The following RALGPS1 variants were observed in gnomAD, a reference collection of about 807,000 sequenced individuals.
RALGPS1 encodes Ral GEF with PH domain and SH3 binding motif 1.
RALGPS1 carries 19 observed loss-of-function variants against 78.8 expected under a neutral mutation model. That is an observed-to-expected ratio of 0.24 (90% CI 0.17 to 0.35). RALGPS1 has a LOEUF of 0.35. RALGPS1 is among the 10% of genes least tolerant of loss of function. The pLI is 1.00. For missense variants in RALGPS1, 454 were observed against 688.3 expected, an observed-to-expected ratio of 0.66 and a Z score of 3.81; for synonymous variants, 228 against 256.3, an observed-to-expected ratio of 0.89 and a Z score of 1.06.
chr9:127,088,916 A>G (rs371100982), intron 8 of RALGPS1: 35 of 1,614,146 alleles, frequency 2.2e-5, no homozygotes, highest in Non-Finnish European at 2.4e-5. Context: ...AATGGCCACG[A>G]GAGGTCAGGA....
At chr9:127,165,976 T>G in intron 8 of RALGPS1, 93 bp from the exon 9 acceptor site, 1 of 1,443,054 alleles carries the variant, frequency 6.9e-7, no homozygotes, top group Non-Finnish European at 9.1e-7. Context: ...AAGTCACCCT[T>G]TATATTTTTT....
At chr9:126,963,170 C>G (rs1162526162) in intron 2 of RALGPS1, among the ~76,000 whole-genome samples, 2 of 152,182 alleles carry the variant, frequency 1.3e-5, no homozygotes, top group African/African-American at 2.4e-5. Flanking sequence ...AGCTTTTGAT[C>G]AACACGTCCC....
At chr9:127,092,010 A>G in intron 8 of RALGPS1, 1 of 1,572,358 alleles carries the variant, frequency 6.4e-7, no homozygotes, top group Non-Finnish European at 8.6e-7. Context: ...TGGCTGTCAG[A>G]CACTCAGCCC....
At chr9:127,077,975 A>G (rs1344037574) in intron 8 of RALGPS1, among the ~76,000 whole-genome samples, 1 of 152,102 alleles carries the variant, frequency 6.6e-6, no homozygotes, top group African/African-American at 2.4e-5. Flanking sequence ...TCCTTTTTCT[A>G]TTCTGCCCTG....
chr9:127,198,945 C>G, intron 13 of RALGPS1, 70 bp from the exon 14 acceptor site: 2 of 1,403,798 alleles, frequency 1.4e-6, no homozygotes, highest in Middle Eastern at 1.8e-4. Context: ...GGCCTGGGCT[C>G]GGTGACCCAG....
chr9:127,040,737 G>T (rs2047215949), intron 5 of RALGPS1, among the ~76,000 whole-genome samples: 1 of 152,166 alleles, frequency 6.6e-6, no homozygotes, highest in African/African-American at 2.4e-5. Context: ...AAGAAGGCAG[G>T]ATTGGTGTGG....
intron 11 of RALGPS1, among the ~76,000 whole-genome samples, chr9:127,177,521 C>T (rs1040102014): frequency 2.0e-5 from 3 of 152,210 alleles, no homozygotes; most frequent in Non-Finnish European, 2.9e-5. Context: ...CCACTATCTC[C>T]TCCCTGAGGA....
chr9:126,952,546 C>T (rs1351952550), intron 1 of RALGPS1, among the ~76,000 whole-genome samples: 1 of 151,996 alleles, frequency 6.6e-6, no homozygotes, highest in Non-Finnish European at 1.5e-5. Context: ...GAACTCCTGG[C>T]AGGAGGTCCA....
rs767994394 is a variant in RALGPS1 at position 127,210,709 on chromosome 9, A to G, written c.1248-1422A>G. 3.0e-5 allele frequency: 47 copies of G among 1,550,618 alleles called. No individual in the cohort carries two copies. The South Asian group carries it at 4.2e-4, about 14-fold the overall frequency. On this transcript the variant is annotated intron_variant, in intron 14 of 18. Coordinates refer to ENST00000259351, the MANE Select transcript of RALGPS1 (RefSeq NM_014636.3). Reference sequence around the variant, plus strand: ...TTCCTCTGAAGCAGGGGACGTCTCTATGCCACCCTGGGGCCCAACTGGCGG... The same window carrying G: ...TTCCTCTGAAGCAGGGGACGTCTCTGTGCCACCCTGGGGCCCAACTGGCGG...
At chr9:126,919,241 GAT>G (rs1212262653) in intron 1 of RALGPS1, among the ~76,000 whole-genome samples, 1 of 152,162 alleles carries the variant, frequency 6.6e-6, no homozygotes, top group Non-Finnish European at 1.5e-5. Flanking sequence ...GTTTTTGACT[GAT>G]ATAAGCATAA....
At position 127,219,503 on chromosome 9, in the gene RALGPS1, T is replaced by C. The variant is rs1444350253; in HGVS notation, c.*734T>C. ...TTGTTTTCTGTTCCTATGGGTGCTATTCATCTGGAAGGCCTGCTTCCAGGC... is the reference window on the plus strand; with the variant it reads ...TTGTTTTCTGTTCCTATGGGTGCTACTCATCTGGAAGGCCTGCTTCCAGGC... On this transcript the variant is annotated 3_prime_UTR_variant, in exon 19 of 19. Coordinates refer to ENST00000259351, the MANE Select transcript of RALGPS1 (RefSeq NM_014636.3). The surrounding 1 kb of genome is among the most constrained non-coding windows in gnomAD (Gnocchi z 5.0). The C allele has an allele frequency of 6.5e-6, 1 of 152,726 alleles. No homozygotes were observed. Among genetic ancestry groups the C allele is most frequent in the East Asian group, 1.9e-4 (1 of 5,196 alleles). The allele number at this position is 152,726 out of a possible 1,614,324, so 9.5% of individuals were successfully genotyped here.
intron 8 of RALGPS1, among the ~76,000 whole-genome samples, chr9:127,078,328 CTG>C (rs1170002359): frequency 1.3e-5 from 2 of 152,148 alleles, no homozygotes; most frequent in African/African-American, 2.4e-5. Flanking sequence ...TTCTGGGACT[CTG>C]TAGTCTTTCT....
intron 2 of RALGPS1, 145 bp downstream of exon 2, chr9:126,962,491 G>T: frequency 1.2e-6 from 1 of 817,366 alleles, no homozygotes. Context: ...GGCCATGCCA[G>T]GCGTGAGATT....
chr9:126,930,308 T>A (rs557261585), intron 1 of RALGPS1, among the ~76,000 whole-genome samples: 34 of 152,228 alleles, frequency 2.2e-4, no homozygotes, highest in Admixed American at 3.9e-4. Context: ...TAAAGAAGTT[T>A]AAATATAGTA....
intron 1 of RALGPS1, among the ~76,000 whole-genome samples, chr9:126,953,339 C>T (rs2131830669): frequency 6.6e-6 from 1 of 152,096 alleles, no homozygotes; most frequent in South Asian, 2.1e-4. Flanking sequence ...GAGGAATTAG[C>T]AGCCAGAGTA....
At chr9:126,941,469 G>A (rs982963756) in intron 1 of RALGPS1, among the ~76,000 whole-genome samples, 7 of 151,976 alleles carry the variant, frequency 4.6e-5, no homozygotes, top group African/African-American at 1.4e-4. Flanking sequence ...TTAAAAATAA[G>A]TGTAAAAAAA....
chr9:127,177,054 A>G (rs866727487), intron 11 of RALGPS1, among the ~76,000 whole-genome samples: 25 of 152,218 alleles, frequency 1.6e-4, no homozygotes, highest in African/African-American at 6.0e-4. Flanking sequence ...ACTCACCACA[A>G]CTTGTCATTA....
intron 14 of RALGPS1, among the ~76,000 whole-genome samples, chr9:127,206,753 T>G (rs1016413261): frequency 6.6e-6 from 1 of 152,096 alleles, no homozygotes; most frequent in Non-Finnish European, 1.5e-5. Flanking sequence ...AACAGGGACT[T>G]AGGGCTTTAT....
intron 4 of RALGPS1, among the ~76,000 whole-genome samples, chr9:126,983,470 C>T (rs963838437): frequency 4.6e-5 from 7 of 152,126 alleles, no homozygotes; most frequent in Admixed American, 3.9e-4. Context: ...TCAGATGTAG[C>T]TCTTTAAAAA....
Sources: allele counts gnomAD v4.1 joint callset (sites outside exome capture counted in the v4.1 genomes callset), GRCh38; gene constraint gnomAD v4.1.1; non-coding constraint Gnocchi (gnomAD v3.1); transcripts MANE v1.5; gene names NCBI Gene and HGNC (gene_info 2026-07-23, HGNC 2026-07-21).